The following CAP1 variants were observed in gnomAD, a reference collection of about 807,000 sequenced individuals.
The protein encoded by CAP1 is cyclase associated actin cytoskeleton regulatory protein 1.
In CAP1, 11 loss-of-function variants were observed where a neutral mutation model predicts 58.2. The observed-to-expected ratio is 0.19, with a 90% CI of 0.12 to 0.31. The LOEUF (loss-of-function observed/expected upper bound fraction) is 0.31. Among genes scored for constraint, CAP1 ranks in the 10% least tolerant of loss-of-function variants. The pLI, the probability that CAP1 is intolerant of heterozygous loss-of-function variation, is 1.00. For missense variants in CAP1, 423 were observed against 587.5 expected (o/e 0.72, Z 2.89); for synonymous variants, 183 against 213.8 (o/e 0.86, Z 1.26).
intron 4 of CAP1, among the ~76,000 whole-genome samples, chr1:40,062,906 A>G (rs1646916193): frequency 6.6e-6 from 1 of 152,110 alleles, no homozygotes; most frequent in Admixed American, 6.6e-5. Context: ...GCTTTGGAGG[A>G]AGGGTGCAAA....
chr1:40,040,659 G>A (rs991630065), upstream of CAP1: 1 of 152,754 alleles, frequency 6.5e-6, no homozygotes. Context: ...GGCCAGCCTA[G>A]CGCTTCAGCC....
chr1:40,066,748 T>G (rs576483438), intron 7 of CAP1, among the ~76,000 whole-genome samples: 1 of 152,342 alleles, frequency 6.6e-6, no homozygotes, highest in African/African-American at 2.4e-5. Context: ...TATATACTCT[T>G]CTGTGAGACT....
At chr1:40,068,070 A>G (rs898646175) in intron 8 of CAP1, among the ~76,000 whole-genome samples, 1 of 152,182 alleles carries the variant, frequency 6.6e-6, no homozygotes, top group African/African-American at 2.4e-5. Context: ...CAGAAGATGC[A>G]TACTGGTTAC....
At position 40,071,723 on chromosome 1, in the gene CAP1, ATCT is replaced by A; in HGVS notation, c.*194_*196del. 2 of 572,682 alleles carry A rather than the reference ATCT, an allele frequency of 3.5e-6. No homozygotes were observed. The highest frequency in any genetic ancestry group is 6.2e-6 in the Non-Finnish European group (2 of 320,280). 35.5% of individuals were successfully genotyped at this position (572,682 alleles called of 1,614,324 possible). On this transcript the variant is annotated 3_prime_UTR_variant, in exon 13 of 13. Transcript: ENST00000372805. Reference sequence around the variant, plus strand: ...TTGGGGTGGGATAGCAGGTCAGTTGATCTTCTGCAGGAAGGTGCAGCTTTTCCA... The same window carrying A: ...TTGGGGTGGGATAGCAGGTCAGTTGATCTGCAGGAAGGTGCAGCTTTTCCA...
intron 6 of CAP1, 65 bp from the exon 7 acceptor site, chr1:40,066,150 G>A: frequency 1.1e-6 from 1 of 892,402 alleles, no homozygotes. Context: ...GGAAAGAAGG[G>A]TTCTGGAGTC....
At chr1:40,044,333 G>A (rs554768917) in intron 1 of CAP1, among the ~76,000 whole-genome samples, 6 of 152,264 alleles carry the variant, frequency 3.9e-5, no homozygotes, top group African/African-American at 7.2e-5. Context: ...ACTGGAAGCC[G>A]AACCTCTGGT....
In CAP1 at chr1:40,070,175, T is replaced by G; in HGVS notation, c.1010T>G (p.Val337Gly). Residue 337 changes from valine to glycine, a missense_variant, in exon 10 of 13, where the codon GTT becomes GGT. By Grantham distance (109) the Val-to-Gly change is moderately radical (BLOSUM62 -3). Transcript: ENST00000372805. The stretch of plus-strand genomic sequence containing the variant: ...CTCTAACAGGAAAATCAGGAAAATG[T>G]TTCCAACCTGGTGATTGAGGACACA... Reference protein sequence around the residue: ...KKWRVENQENVSNLVIEDTEL... With the variant: ...KKWRVENQENGSNLVIEDTEL... 4.3e-6 allele frequency: 7 copies of G among 1,614,186 alleles called. No homozygotes were observed. Among genetic ancestry groups the G allele is most frequent in the Non-Finnish European group, 5.9e-6 (7 of 1,180,030 alleles).
At chr1:40,058,941 G>A (rs148568981) in intron 1 of CAP1, among the ~76,000 whole-genome samples, 84 of 152,086 alleles carry the variant, frequency 5.5e-4, no homozygotes, top group Non-Finnish European at 8.4e-4. Flanking sequence ...ATCTCTAAGC[G>A]TGTAGTAATC....
At chr1:40,059,817 A>T (rs544211410) in intron 2 of CAP1, among the ~76,000 whole-genome samples, 2 of 152,308 alleles carry the variant, frequency 1.3e-5, no homozygotes, top group South Asian at 4.1e-4. Flanking sequence ...ACTAAAAAAA[A>T]CCTTGGAGGA....
chr1:40,050,519 C>T (rs1557677139), intron 1 of CAP1, among the ~76,000 whole-genome samples: 1 of 143,074 alleles, frequency 7.0e-6, no homozygotes, highest in Admixed American at 7.2e-5. Context: ...ATTCGCCGGG[C>T]GTGGTGGTGC....
intron 7 of CAP1, chr1:40,067,175 AG>A: frequency 4.8e-6 from 1 of 207,418 alleles, no homozygotes; most frequent in Non-Finnish European, 9.6e-6. Flanking sequence ...AATAGGGACA[AG>A]GGGATGATTG....
At chr1:40,057,072 A>G (rs1405051625) in intron 1 of CAP1, among the ~76,000 whole-genome samples, 2 of 152,206 alleles carry the variant, frequency 1.3e-5, no homozygotes, top group African/African-American at 4.8e-5. Context: ...GGAAAAAGGG[A>G]GCCAAAGTCC....
intron 1 of CAP1, among the ~76,000 whole-genome samples, chr1:40,046,858 C>T (rs1294682102): frequency 6.6e-6 from 1 of 151,834 alleles, no homozygotes; most frequent in Non-Finnish European, 1.5e-5. Flanking sequence ...CTGCAACCCC[C>T]GCCTCCTGGG....
rs1039561559 is a variant in CAP1, at chr1:40,040,757, C to G, written c.-55C>G. 1 of 152,972 alleles carries G rather than the reference C, an allele frequency of 6.5e-6. No individual in the cohort carries two copies. The highest frequency in any genetic ancestry group is 1.5e-5 in the Non-Finnish European group (1 of 68,288). The allele number at this position is 152,972 out of a possible 1,614,324, so 9.5% of individuals were successfully genotyped here. A position where few individuals can be genotyped will look rare whatever the true frequency, so the allele number is the denominator to read the frequency against. ...ATTGCTGGGCGGTTCTTGCCGGAAG[C>G]GGAGAGCGGCTGATCGCAGTCCGGA... On this transcript the variant is annotated 5_prime_UTR_variant, in exon 1 of 13. Coordinates refer to ENST00000372805, the MANE Select transcript of CAP1 (RefSeq NM_006367.4).
chr1:40,055,305 C>G (rs1342567135), intron 1 of CAP1, among the ~76,000 whole-genome samples: 1 of 150,924 alleles, frequency 6.6e-6, no homozygotes, highest in Non-Finnish European at 1.5e-5. Flanking sequence ...ACCCTGAACG[C>G]TCTGGGGTAT....
chr1:40,044,931 G>A (rs35595201), intron 1 of CAP1, among the ~76,000 whole-genome samples: 20,903 of 151,154 alleles, frequency 0.14, 1,701 homozygotes, highest in East Asian at 0.23. Flanking sequence ...CGAGTAGCTG[G>A]GACTACAGGC....
intron 8 of CAP1, 124 bp from the exon 9 acceptor site, chr1:40,069,566 C>T (rs541747303): frequency 3.9e-6 from 3 of 776,346 alleles, no homozygotes; most frequent in Admixed American, 2.6e-5. Context: ...AAACTGCTTG[C>T]AAGAGAACAT....
intron 3 of CAP1, 86 bp from the exon 4 acceptor site, chr1:40,061,649 A>G (rs1174806587): frequency 1.0e-5 from 11 of 1,055,174 alleles, no homozygotes; most frequent in Non-Finnish European, 1.6e-5. Context: ...CTATCAGAGT[A>G]CATGGAAGTA....
chr1:40,040,411 G>A (rs1030653219), upstream of CAP1: 16 of 152,378 alleles, frequency 1.1e-4, no homozygotes, highest in Admixed American at 9.8e-4. Context: ...TTTCCAGAGA[G>A]GAGCTTAGCC....
Sources: allele counts gnomAD v4.1 joint callset (sites outside exome capture counted in the v4.1 genomes callset), GRCh38; gene constraint gnomAD v4.1.1; transcripts MANE v1.5; gene names NCBI Gene and HGNC (gene_info 2026-07-23, HGNC 2026-07-21).